PDZD2: variants seen among roughly 807,000 people sequenced by gnomAD.
The protein encoded by PDZD2 is PDZ domain-containing protein 2.
PDZD2 carries 90 observed loss-of-function variants against 220.7 expected under a neutral mutation model. That is an observed-to-expected ratio of 0.41 (90% CI 0.34 to 0.49). PDZD2 has a LOEUF of 0.49. Among genes scored for constraint, PDZD2 ranks in the 20% least tolerant of loss-of-function variants. The pLI, the probability that PDZD2 is intolerant of heterozygous loss-of-function variation, is 0.28. For missense variants in PDZD2, 3,174 were observed against 3,608.5 expected (o/e 0.88, Z 3.08); for synonymous variants, 1,375 against 1,450.5 (o/e 0.95, Z 1.18).
chr5:31,674,257 A>C (rs1298880976), intron 1 of PDZD2, among the ~76,000 whole-genome samples: 12 of 152,216 alleles, frequency 7.9e-5, no homozygotes, highest in Non-Finnish European at 1.6e-4. Flanking sequence ...TCAGCAGTGA[A>C]GTTTCAGTCT....
Position 32,008,807 on chromosome 5 carries a change from G to A in PDZD2, c.1255-1523G>A, listed in dbSNP as rs946087309. ...AAAGACTTTAGAGAAGAAAGGAGAG[G>A]CAAATGGAGTGGCTCCTGAGATGAC... On this transcript the variant is annotated intron_variant, in intron 5 of 24. Transcript: ENST00000438447. Among the ~76,000 whole-genome samples, 4 of 152,164 alleles carry A rather than the reference G, an allele frequency of 2.6e-5. No individual in the cohort carries two copies. In the East Asian group the frequency reaches 5.8e-4, roughly 22 times the overall value.
intron 1 of PDZD2, among the ~76,000 whole-genome samples, chr5:31,700,969 G>A (rs388518): frequency 0.75 from 113,579 of 152,108 alleles, 43,247 homozygotes; most frequent in East Asian, 0.93. Flanking sequence ...CCCTCTGTCC[G>A]TAGGACACAG....
At chr5:31,842,265 T>C (rs1350880492) in intron 2 of PDZD2, among the ~76,000 whole-genome samples, 3 of 152,352 alleles carry the variant, frequency 2.0e-5, no homozygotes, top group South Asian at 2.1e-4. Flanking sequence ...GTTAATATAA[T>C]GTTTATGCAC....
intron 1 of PDZD2, among the ~76,000 whole-genome samples, chr5:31,647,283 C>A (rs116538815): frequency 6.6e-6 from 1 of 152,278 alleles, no homozygotes; most frequent in African/African-American, 2.4e-5. Context: ...AGACACTTGC[C>A]ACATACAGCT....
At chr5:31,815,290 C>CTT (rs71300154) in intron 2 of PDZD2, among the ~76,000 whole-genome samples, 50,402 of 144,952 alleles carry the variant, frequency 0.35, 12,690 homozygotes, top group African/African-American at 0.72. Context: ...GCAGATGTCT[C>CTT]ATCAGACTGT....
chr5:32,101,105 G>A lies in PDZD2; in HGVS notation c.8219G>A (p.Gly2740Glu). The change falls in exon 24 of 25, where the codon GGG (glycine) becomes GAG (glutamate). Residue 2740 changes from glycine (G) to glutamate (E), a missense_variant and splice_region_variant. Physicochemically the swap from Gly to Glu is moderately conservative, Grantham distance 98 (BLOSUM62 -2). Around this residue, in one of 4 missense-constraint regions of PDZD2, gnomAD observed 631 missense variants for 789.9 expected, o/e 0.80. Coordinates refer to ENST00000438447, the MANE Select transcript of PDZD2 (RefSeq NM_178140.4). The part of the protein sequence containing the change: ...RKTIPLEPGI[G>E]RSVAVHDALC... ...ATCTTGGTGCACGCTGCGGCTGCAG[G>A]GAGAAGTGTGGCTGTACACGATGCT... 3.7e-6 allele frequency: 6 copies of A among 1,614,174 alleles called. No homozygotes were observed. Among genetic ancestry groups the A allele is most frequent in the South Asian group, 1.1e-5 (1 of 91,076 alleles).
intron 14 of PDZD2, among the ~76,000 whole-genome samples, chr5:32,067,980 C>G (rs896868939): frequency 6.6e-6 from 1 of 152,170 alleles, no homozygotes; most frequent in African/African-American, 2.4e-5. Flanking sequence ...CAAACTGTTT[C>G]TTCACAGATT....
intron 1 of PDZD2, chr5:31,725,529 C>A: frequency 7.4e-7 from 1 of 1,358,064 alleles, no homozygotes; most frequent in Non-Finnish European, 1.0e-6. Context: ...GTTTATACTA[C>A]CAGGGGCCAC....
rs764770620 is a variant in PDZD2, at chr5:32,072,258, A to G, written c.2666A>G (p.Asp889Gly). 16 of 1,614,114 alleles carry G rather than the reference A, an allele frequency of 9.9e-6. No homozygotes were observed. The highest frequency in any genetic ancestry group is 1.7e-5 in the Admixed American group (1 of 60,012). The part of the protein sequence containing the change: ...DFMVAGSEDE[D>G]HPGSGCSTSE... The stretch of plus-strand genomic sequence containing the variant: ...ATGGTGGCCGGTTCTGAGGACGAGG[A>G]TCACCCGGGAAGTGGCTGCAGCACG... Residue 889 changes from aspartate (D) to glycine (G), a missense_variant, in exon 17 of 25, where the codon GAT becomes GGT. Asp to Gly is a moderately conservative substitution (Grantham distance 94, BLOSUM62 -1). This residue lies in a region of PDZD2 where 1,861 missense variants were observed against 2,001.0 expected (regional missense o/e 0.93). Transcript: ENST00000438447.
At chr5:31,774,377 AT>A (rs1752511052) in intron 1 of PDZD2, among the ~76,000 whole-genome samples, 1 of 151,884 alleles carries the variant, frequency 6.6e-6, no homozygotes, top group Non-Finnish European at 1.5e-5. Flanking sequence ...TGTGCAGAGA[AT>A]ACAGGTTCAC....
intron 1 of PDZD2, chr5:31,725,721 C>T: frequency 1.1e-6 from 1 of 881,392 alleles, no homozygotes; most frequent in Non-Finnish European, 1.9e-6. Flanking sequence ...GTATGAGATG[C>T]AGGCCTGCAA....
intron 13 of PDZD2, among the ~76,000 whole-genome samples, chr5:32,059,809 T>G (rs759839430): frequency 2.0e-5 from 3 of 152,236 alleles, no homozygotes; most frequent in Non-Finnish European, 4.4e-5. Flanking sequence ...CTCTCAAACT[T>G]TTCCTGTCAT....
chr5:31,712,580 C>A (rs139319578), intron 1 of PDZD2, among the ~76,000 whole-genome samples: 44 of 152,178 alleles, frequency 2.9e-4, no homozygotes, highest in African/African-American at 1.0e-3. Flanking sequence ...TCTTACATGG[C>A]AGCTCATGGC....
At chr5:31,903,971 G>C (rs1016508951) in intron 2 of PDZD2, among the ~76,000 whole-genome samples, 8 of 150,936 alleles carry the variant, frequency 5.3e-5, no homozygotes, top group Non-Finnish European at 8.8e-5. Context: ...TGATCTGCCT[G>C]TCTCAGCCTC....
chr5:31,837,065 A>T lies in PDZD2; in HGVS notation c.476+37341A>T, dbSNP rs1374557961. ...GAAAGAAAGAAAGAAATTAAAAATA[A>T]ATAAATAAATCATGTAGACTAATCC... is the stretch of plus-strand genomic sequence containing the variant. On this transcript the variant is annotated intron_variant, in intron 2 of 24. Coordinates refer to ENST00000438447, the MANE Select transcript of PDZD2 (RefSeq NM_178140.4). 4.0e-5 allele frequency among the ~76,000 whole-genome samples: 6 copies of T among 151,620 alleles called. No homozygotes were observed. The East Asian group carries it at 1.2e-3, about 29-fold the overall frequency.
intron 1 of PDZD2, among the ~76,000 whole-genome samples, chr5:31,690,392 G>A (rs1232193621): frequency 1.3e-5 from 2 of 152,142 alleles, no homozygotes; most frequent in Non-Finnish European, 2.9e-5. Context: ...ATGATGGTCA[G>A]GATGGTGTCC....
intron 2 of PDZD2, among the ~76,000 whole-genome samples, chr5:31,892,330 T>A (rs537142218): frequency 6.6e-6 from 1 of 152,364 alleles, no homozygotes; most frequent in East Asian, 1.9e-4. Context: ...AAGGACATGA[T>A]CTTAAAAATA....
At chr5:31,738,607 T>C (rs1376720622) in intron 1 of PDZD2, 1 of 152,188 alleles carries the variant, frequency 6.6e-6, no homozygotes, top group East Asian at 1.9e-4. Flanking sequence ...ATTCATCCGT[T>C]TCATGGGACT....
At chr5:31,696,285 G>A (rs1747376078) in intron 1 of PDZD2, among the ~76,000 whole-genome samples, 1 of 152,052 alleles carries the variant, frequency 6.6e-6, no homozygotes, top group African/African-American at 2.4e-5. Flanking sequence ...TTTTACTATG[G>A]GAGGAGTTCT....
Sources: gnomAD v4.1 joint callset for allele counts (sites outside exome capture counted in the v4.1 genomes callset) on GRCh38, gnomAD v4.1.1 for gene constraint, gnomAD v4.1.1 regional missense constraint, MANE v1.5 for transcripts, NCBI Gene and HGNC (gene_info 2026-07-23, HGNC 2026-07-21) for gene names.